The following RBFOX1 variants were observed in gnomAD, a reference collection of about 807,000 sequenced individuals.
The protein encoded by RBFOX1 is RNA binding fox-1 homolog 1.
A neutral mutation model predicts 57.7 loss-of-function variants in RBFOX1; 8 were observed. The ratio of observed to expected loss-of-function variants is 0.14; its 90% confidence interval spans 0.08 to 0.25. The LOEUF is 0.25. Ranked by LOEUF, RBFOX1 falls within the 10% of genes least tolerant of loss-of-function variation. The pLI is 1.00. For synonymous variants in RBFOX1, 326 were observed against 222.4 expected, an observed-to-expected ratio of 1.47 and a Z score of -4.15; for missense variants, 611 against 548.5, an observed-to-expected ratio of 1.11 and a Z score of -1.14.
At chr16:6,739,372 A>T (rs2071370522) in intron 3 of RBFOX1, among the ~76,000 whole-genome samples, 1 of 152,130 alleles carries the variant, frequency 6.6e-6, no homozygotes, top group Admixed American at 6.5e-5. Context: ...TGAGAGCTTA[A>T]ACCAATTCTC....
intron 1 of RBFOX1, among the ~76,000 whole-genome samples, chr16:6,102,513 T>C (rs1430123161): frequency 5.9e-5 from 9 of 152,160 alleles, no homozygotes; most frequent in Admixed American, 5.9e-4. Flanking sequence ...AAGTTTCCTT[T>C]CAGGCAGGTT....
At chr16:7,599,638 C>CTTTTTT (rs542898195) in intron 9 of RBFOX1, among the ~76,000 whole-genome samples, 2,046 of 62,298 alleles carry the variant, frequency 0.033, 429 homozygotes, top group African/African-American at 0.064. Flanking sequence ...TTAATAAAGA[C>CTTTTTT]TTTTTTTTTT....
chr16:6,620,501 C>G (rs985437717), intron 2 of RBFOX1, among the ~76,000 whole-genome samples: 4 of 151,936 alleles, frequency 2.6e-5, no homozygotes, highest in East Asian at 1.9e-4. Context: ...AAAATCGGAG[C>G]TGAACTGAAA....
intron 11 of RBFOX1, among the ~76,000 whole-genome samples, chr16:7,637,478 G>GAAAC (rs1196137273): frequency 6.6e-6 from 1 of 152,190 alleles, no homozygotes; most frequent in Non-Finnish European, 1.5e-5. Flanking sequence ...TTAAGTGGCA[G>GAAAC]AAACATACAT....
At chr16:5,709,123 C>T (rs1051883723) in intron 3 of RBFOX1, among the ~76,000 whole-genome samples, 5 of 152,168 alleles carry the variant, frequency 3.3e-5, no homozygotes, top group African/African-American at 1.2e-4. Context: ...GTTTCTGTCT[C>T]TTGCAATCCA....
At chr16:6,330,443 G>A (rs1262078177) in intron 2 of RBFOX1, among the ~76,000 whole-genome samples, 1 of 152,158 alleles carries the variant, frequency 6.6e-6, no homozygotes, top group Non-Finnish European at 1.5e-5. Context: ...TCCCCACTAT[G>A]AAGGCTTTGA....
chr16:6,729,835 G>A (rs1346994805), intron 3 of RBFOX1, among the ~76,000 whole-genome samples: 1 of 152,146 alleles, frequency 6.6e-6, no homozygotes, highest in Admixed American at 6.5e-5. Flanking sequence ...AAATGCTGAA[G>A]TATCGTGGGA....
chr16:7,078,883 T>TTC (rs2058721038), intron 4 of RBFOX1, among the ~76,000 whole-genome samples: 1 of 142,436 alleles, frequency 7.0e-6, no homozygotes, highest in African/African-American at 2.6e-5. Context: ...TTTTTTTTTT[T>TTC]TTTTTTAGTG....
At chr16:6,961,853 C>G (rs187212195) in intron 3 of RBFOX1, among the ~76,000 whole-genome samples, 1 of 152,120 alleles carries the variant, frequency 6.6e-6, no homozygotes, top group Non-Finnish European at 1.5e-5. Context: ...AGTCACTTTC[C>G]TTGCCATCCT....
chr16:5,450,805 G>A (rs115121333), intron 1 of RBFOX1, among the ~76,000 whole-genome samples: 1,908 of 152,258 alleles, frequency 0.013, 55 homozygotes, highest in African/African-American at 0.044. Flanking sequence ...GGACCGCAGG[G>A]ATTCAGAGCT....
chr16:5,914,148 G>C (rs1323493392), intron 4 of RBFOX1, among the ~76,000 whole-genome samples: 2 of 152,166 alleles, frequency 1.3e-5, no homozygotes, highest in African/African-American at 4.8e-5. Flanking sequence ...AGGACGTTTT[G>C]GCCCCAAAAT....
chr16:7,600,321 T>C (rs766699752), intron 9 of RBFOX1, among the ~76,000 whole-genome samples: 25 of 152,224 alleles, frequency 1.6e-4, no homozygotes, highest in Non-Finnish European at 2.9e-4. Flanking sequence ...CTTTGGCTTC[T>C]GTAGTGGAGA....
chr16:7,372,207 G>T (rs968452487), intron 4 of RBFOX1, among the ~76,000 whole-genome samples: 13 of 152,048 alleles, frequency 8.5e-5, no homozygotes, highest in Admixed American at 2.6e-4. Context: ...CTCACCATCA[G>T]TGCAGACATC....
At chr16:6,058,897 A>G (rs2095650310) in intron 1 of RBFOX1, among the ~76,000 whole-genome samples, 1 of 152,228 alleles carries the variant, frequency 6.6e-6, no homozygotes, top group African/African-American at 2.4e-5. Flanking sequence ...TCATGTATAC[A>G]GTAATTAAAA....
At chr16:7,154,245 G>A (rs1012063981) in intron 4 of RBFOX1, among the ~76,000 whole-genome samples, 2 of 152,234 alleles carry the variant, frequency 1.3e-5, no homozygotes, top group South Asian at 4.1e-4. Context: ...TCATTCAGTC[G>A]GAGGAAGACA....
intron 2 of RBFOX1, among the ~76,000 whole-genome samples, chr16:6,441,088 G>C (rs1282586317): frequency 6.6e-6 from 1 of 152,156 alleles, no homozygotes; most frequent in Non-Finnish European, 1.5e-5. Flanking sequence ...GAGTCATGGC[G>C]GACGGAGAGG....
intron 4 of RBFOX1, among the ~76,000 whole-genome samples, chr16:5,955,118 T>TTAAAAAAA (rs2059599305): frequency 1.4e-4 from 2 of 14,290 alleles, no homozygotes; most frequent in African/African-American, 7.2e-4. Flanking sequence ...CCATCTCTAC[T>TTAAAAAAA]AAAAAAAAAA....
At chr16:6,366,358 G>C (rs531325322) in intron 2 of RBFOX1, among the ~76,000 whole-genome samples, 58 of 152,010 alleles carry the variant, frequency 3.8e-4, no homozygotes, top group Non-Finnish European at 7.2e-4. Context: ...TATACATTTA[G>C]AATTGTGAAT....
At chr16:6,147,857 C>A (rs1371676008) in intron 1 of RBFOX1, among the ~76,000 whole-genome samples, 1 of 152,182 alleles carries the variant, frequency 6.6e-6, no homozygotes, top group Non-Finnish European at 1.5e-5. Context: ...TTGTATGTTT[C>A]TACCTTCAAA....
Sources: allele counts gnomAD v4.1 joint callset (sites outside exome capture counted in the v4.1 genomes callset), GRCh38; gene constraint gnomAD v4.1.1; transcripts MANE v1.5; gene names NCBI Gene and HGNC (gene_info 2026-07-23, HGNC 2026-07-21).